Variants in PPID observed in about 807,000 individuals in gnomAD.
PPID encodes the protein peptidyl-prolyl cis-trans isomerase D.
Under a neutral mutation model 48.1 loss-of-function variants are expected in PPID, and 47 were observed. The observed-to-expected ratio is 0.98, with a 90% CI of 0.77 to 1.25. The LOEUF (loss-of-function observed/expected upper bound fraction) is 1.25, where lower values mean the gene tolerates loss of function less well. Among genes scored for constraint, PPID ranks in the 50% most tolerant of loss-of-function variants. The pLI is 0.00. For missense variants in PPID, 429 were observed against 443.5 expected (o/e 0.97, Z 0.29); for synonymous variants, 163 against 148.8 (o/e 1.10, Z -0.69).
chr4:158,714,998 G>A (rs116154456), intron 6 of PPID, among the ~76,000 whole-genome samples: 1 of 152,068 alleles, frequency 6.6e-6, no homozygotes, highest in Non-Finnish European at 1.5e-5. Flanking sequence ...AAATACTTAG[G>A]GTAAAGTATC....
rs1310420226 is a variant in PPID at position 158,721,370 on chromosome 4, GGA to G, written c.197_198del (p.Leu66ProfsTer12). ...KGIGHTTGKP[L>X]HFKGCPFHRI... ...CGATGAAAAGGGCATCCTTTGAAAT[GGA>G]GAGGTTTCCCAGTCGTGTGTCCAAT... On this transcript the variant is annotated frameshift_variant, in exon 2 of 10. Coordinates refer to ENST00000307720, the MANE Select transcript of PPID (RefSeq NM_005038.3). LOFTEE classifies it high-confidence loss of function. The G allele has an allele frequency of 1.2e-6, 2 of 1,613,984 alleles. No individual in the cohort carries two copies. Among genetic ancestry groups the G allele is most frequent in the African/African-American group, 2.7e-5 (2 of 74,922 alleles).
intron 2 of PPID, among the ~76,000 whole-genome samples, chr4:158,719,702 T>C (rs989130500): frequency 6.6e-6 from 1 of 152,204 alleles, no homozygotes; most frequent in Admixed American, 6.5e-5. Context: ...CATGTACACA[T>C]AGTACATATT....
Position 158,723,307 on chromosome 4 carries a change from T to G in PPID, c.-19A>C. On this transcript the variant is annotated 5_prime_UTR_variant, in exon 1 of 10. Transcript: ENST00000307720. ...GCGACATCTTGACTTGCAGACGTGT[T>G]TAGTACGGAATATCAGAGTACCTAG... is the stretch of plus-strand genomic sequence containing the variant. 1 of 1,610,354 alleles carries G rather than the reference T, an allele frequency of 6.2e-7. No homozygotes were observed. The highest frequency in any genetic ancestry group is 2.2e-5 in the East Asian group (1 of 44,826).
intron 4 of PPID, among the ~76,000 whole-genome samples, 179 bp downstream of exon 4, chr4:158,716,833 C>T (rs953870370): frequency 1.3e-5 from 2 of 152,018 alleles, no homozygotes; most frequent in African/African-American, 4.8e-5. Flanking sequence ...TTGTAGCGCG[C>T]GCCTGTAATC....
chr4:158,714,205 T>C (rs1774833710), intron 6 of PPID, among the ~76,000 whole-genome samples: 1 of 152,308 alleles, frequency 6.6e-6, no homozygotes, highest in East Asian at 1.9e-4. Context: ...TGAAAAGTTG[T>C]TGGGGACTAG....
intron 4 of PPID, 105 bp from the exon 5 acceptor site, chr4:158,715,789 G>A (rs535307567): frequency 4.4e-5 from 56 of 1,278,684 alleles, no homozygotes; most frequent in Middle Eastern, 1.9e-4. Flanking sequence ...ACAGATTTAT[G>A]TGAGAAGGCT....
Position 158,717,210 on chromosome 4 carries a change from T to C in PPID, c.334-10A>G. On this transcript the variant is annotated splice_polypyrimidine_tract_variant and intron_variant, in intron 3 of 9. Coordinates refer to ENST00000307720, the MANE Select transcript of PPID (RefSeq NM_005038.3). ...AACCCTCCCGATCATGCTGTAGAAA[T>C]AAAAATTAAAAGAAAACCAAGGTTA... 6.3e-7 allele frequency: 1 copy of C among 1,596,374 alleles called. No individual in the cohort carries two copies. The highest frequency in any genetic ancestry group is 8.5e-7 in the Non-Finnish European group (1 of 1,174,054).
chr4:158,715,616 G>C lies in PPID; in HGVS notation c.591C>G (p.Gly197=), dbSNP rs144675086. The part of the protein sequence containing the change: ...GDDGGIFPKD[G]SGDSHPDFPE... Reference sequence around the variant, plus strand: ...GGAAATCTGGATGACTGTCGCCAGAGCCATCTTTTGGGAATATTCCCCCGT... The same window carrying C: ...GGAAATCTGGATGACTGTCGCCAGACCCATCTTTTGGGAATATTCCCCCGT... The change falls in exon 5 of 10, where the codon GGC becomes GGG. Residue 197 remains glycine (G), a synonymous_variant. Transcript: ENST00000307720. The C allele has an allele frequency of 6.2e-7, 1 of 1,613,222 alleles. No individual in the cohort carries two copies. The highest frequency in any genetic ancestry group is 8.5e-7 in the Non-Finnish European group (1 of 1,179,212).
At chr4:158,709,955 A>T in intron 9 of PPID, 131 bp from the exon 10 acceptor site, 1 of 648,892 alleles carries the variant, frequency 1.5e-6, no homozygotes, top group East Asian at 2.8e-5. Context: ...CTAGTAACAG[A>T]AAATCTGAGC....
At chr4:158,719,996 T>A (rs17843902) in intron 2 of PPID, among the ~76,000 whole-genome samples, 1 of 151,936 alleles carries the variant, frequency 6.6e-6, no homozygotes, top group East Asian at 1.9e-4. Context: ...GAACACACAC[T>A]TCCCCCAGCA....
chr4:158,717,721 T>G (rs550184434), intron 3 of PPID, among the ~76,000 whole-genome samples: 1 of 152,264 alleles, frequency 6.6e-6, no homozygotes, highest in Admixed American at 6.5e-5. Context: ...AGACATTCAG[T>G]TTGGTACTTT....
At position 158,717,081 on chromosome 4, in the gene PPID, T is replaced by C. The variant is rs958082716; in HGVS notation, c.453A>G (p.Gln151=). ...HLDGKHVVFG[Q]VIKGIGVARI... The stretch of plus-strand genomic sequence containing the variant: ...TTGCCACTCCTATTCCTTTAATTAC[T>C]TGGCCAAACACCACATGTTTCCCAT... The change falls in exon 4 of 10, where the codon CAA becomes CAG. Residue 151 remains glutamine, a synonymous_variant. Transcript: ENST00000307720. 4.3e-6 allele frequency: 7 copies of C among 1,614,200 alleles called. No homozygotes were observed. The highest frequency in any genetic ancestry group is 1.1e-5 in the South Asian group (1 of 91,082).
intron 9 of PPID, 172 bp downstream of exon 9, chr4:158,710,456 C>A: frequency 1.5e-6 from 1 of 659,974 alleles, no homozygotes; most frequent in Non-Finnish European, 2.7e-6. Context: ...TCTTTGAGGG[C>A]AGGGACTTTG....
chr4:158,710,906 T>A, intron 7 of PPID, 58 bp from the exon 8 acceptor site: 1 of 1,430,262 alleles, frequency 7.0e-7, no homozygotes, highest in Non-Finnish European at 9.8e-7. Context: ...TATGCCAGAT[T>A]TCAATTCATT....
In PPID at chr4:158,713,217, CTCTA is replaced by C; in HGVS notation, c.792_795del (p.Asp264GlufsTer7). Reference sequence around the variant, plus strand: ...CTTAAAGCTATAGGTTGCAGCTTGGCTCTATCTGCTGTCTCAATAACAGCCTTTG... The same window carrying C: ...CTTAAAGCTATAGGTTGCAGCTTGGCTCTGCTGTCTCAATAACAGCCTTTG... On this transcript the variant is annotated frameshift_variant, in exon 7 of 10. Coordinates refer to ENST00000307720, the MANE Select transcript of PPID (RefSeq NM_005038.3). LOFTEE classifies it high-confidence loss of function. The C allele has an allele frequency of 1.9e-6, 3 of 1,613,898 alleles. No homozygotes were observed. Among genetic ancestry groups the C allele is most frequent in the Non-Finnish European group, 2.5e-6 (3 of 1,179,884 alleles).
At chr4:158,716,968 G>A in intron 4 of PPID, 44 bp downstream of exon 4, 1 of 1,561,384 alleles carries the variant, frequency 6.4e-7, no homozygotes, top group East Asian at 2.2e-5. Flanking sequence ...CAAAAAGATA[G>A]CAACTAAGAT....
chr4:158,713,500 C>T (rs1774822717), intron 6 of PPID, among the ~76,000 whole-genome samples: 1 of 152,142 alleles, frequency 6.6e-6, no homozygotes. Flanking sequence ...GCACTAGTAA[C>T]ACTTTTCTAT....
At chr4:158,720,195 A>G (rs1233121728) in intron 2 of PPID, among the ~76,000 whole-genome samples, 1 of 152,190 alleles carries the variant, frequency 6.6e-6, no homozygotes, top group Non-Finnish European at 1.5e-5. Flanking sequence ...TATTTAGGAA[A>G]TGGTACAAGT....
chr4:158,714,623 C>A (rs1264236377), intron 6 of PPID, among the ~76,000 whole-genome samples: 1 of 150,150 alleles, frequency 6.7e-6, no homozygotes, highest in Non-Finnish European at 1.5e-5. Context: ...CAGAATCTCA[C>A]TCTGTCGCCC....
Sources: allele counts gnomAD v4.1 joint callset (sites outside exome capture counted in the v4.1 genomes callset), GRCh38; gene constraint gnomAD v4.1.1; transcripts MANE v1.5; gene names NCBI Gene and HGNC (gene_info 2026-07-23, HGNC 2026-07-21).